FUT8: variants seen among roughly 807,000 people sequenced by gnomAD.
FUT8 encodes fucosyltransferase 8.
In FUT8, 29 loss-of-function variants were observed where a neutral mutation model predicts 71.3. The ratio of observed to expected loss-of-function variants is 0.41; its 90% confidence interval spans 0.30 to 0.55. The LOEUF (loss-of-function observed/expected upper bound fraction) is 0.55, where lower values mean the gene tolerates loss of function less well. FUT8 is among the 20% of genes least tolerant of loss of function. The pLI, the probability that FUT8 is intolerant of heterozygous loss-of-function variation, is 0.34. For missense variants in FUT8, 544 were observed against 702.1 expected (o/e 0.77, Z 2.55); for synonymous variants, 254 against 239.3 (o/e 1.06, Z -0.57).
chr14:65,459,584 C>T (rs994945554), intron 2 of FUT8, among the ~76,000 whole-genome samples: 1 of 151,816 alleles, frequency 6.6e-6, no homozygotes, highest in Non-Finnish European at 1.5e-5. Flanking sequence ...AGCAATGATC[C>T]CAGGATAAAG....
At chr14:65,457,316 A>G (rs1038342623) in intron 2 of FUT8, among the ~76,000 whole-genome samples, 5 of 152,198 alleles carry the variant, frequency 3.3e-5, no homozygotes, top group East Asian at 1.9e-4. Flanking sequence ...TGAGAACACA[A>G]TTTAACAGAC....
rs1888438276 is a variant in FUT8, at chr14:65,603,944, C to G, written c.204-12034C>G. On this transcript the variant is annotated intron_variant, in intron 3 of 10. Coordinates refer to ENST00000673929, the MANE Select transcript of FUT8 (RefSeq NM_001371533.1). This position sits in a 1 kb window ranked among gnomAD's most constrained non-coding sequence, Gnocchi z 4.5. Reference sequence around the variant, plus strand: ...CATGCAAATGGACACCCAAAGCGAGCAGGAGTAGCTATTCTTACATCAGAC... The same window carrying G: ...CATGCAAATGGACACCCAAAGCGAGGAGGAGTAGCTATTCTTACATCAGAC... 6.6e-6 allele frequency among the ~76,000 whole-genome samples: 1 copy of G among 151,646 alleles called. No homozygotes were observed. Among genetic ancestry groups the G allele is most frequent in the African/African-American group, 2.4e-5 (1 of 41,342 alleles).
intron 2 of FUT8, among the ~76,000 whole-genome samples, chr14:65,485,493 C>T (rs1269302624): frequency 6.6e-6 from 1 of 152,156 alleles, no homozygotes; most frequent in East Asian, 1.9e-4. Context: ...TTAAGCACTC[C>T]ACTCAATGTC....
intron 2 of FUT8, among the ~76,000 whole-genome samples, chr14:65,518,877 G>A (rs1882892977): frequency 6.6e-6 from 1 of 152,130 alleles, no homozygotes; most frequent in African/African-American, 2.4e-5. Flanking sequence ...ATAATAAAAT[G>A]TATCTTCTGA....
chr14:65,620,791 G>C (rs1477124473), intron 5 of FUT8, among the ~76,000 whole-genome samples: 4 of 152,162 alleles, frequency 2.6e-5, no homozygotes, highest in Non-Finnish European at 5.9e-5. Flanking sequence ...TTGAATTTCG[G>C]ATTTGTTTCA....
rs1228694215 is a variant in FUT8, at chr14:65,574,776, T to C, written c.203+13010T>C. ...AACATTTCAATCACAGTGAACTTCA[T>C]TGTTTGTGGCGCAATGTCTTGCTTC... On this transcript the variant is annotated intron_variant, in intron 3 of 10. Transcript: ENST00000673929. The surrounding 1 kb of genome is among the most constrained non-coding windows in gnomAD (Gnocchi z 5.2). Among the ~76,000 whole-genome samples, 4 of 152,156 alleles carry C rather than the reference T, an allele frequency of 2.6e-5. No homozygotes were observed. The highest frequency in any genetic ancestry group is 5.9e-5 in the Non-Finnish European group (4 of 68,024).
At chr14:65,611,482 T>G (rs1888995928) in intron 3 of FUT8, among the ~76,000 whole-genome samples, 1 of 152,088 alleles carries the variant, frequency 6.6e-6, no homozygotes. Context: ...TCTCTGATCT[T>G]TATTACTTCG....
chr14:65,724,341 G>A lies in FUT8; in HGVS notation c.1259+18G>A, dbSNP rs1895574046. ...AAAACAAAGTAAGTTAGACCAACTA[G>A]TGATTCTAGAGTGGGGTTGTCTCTT... On this transcript the variant is annotated intron_variant, in intron 9 of 10. Transcript: ENST00000673929. 3 of 1,537,310 alleles carry A rather than the reference G, an allele frequency of 2.0e-6. No individual in the cohort carries two copies. The highest frequency in any genetic ancestry group is 2.7e-6 in the Non-Finnish European group (3 of 1,125,322).
At chr14:65,664,853 G>A (rs755762497) in intron 6 of FUT8, among the ~76,000 whole-genome samples, 3 of 152,056 alleles carry the variant, frequency 2.0e-5, no homozygotes, top group Non-Finnish European at 4.4e-5. Flanking sequence ...CCTCTCTCTT[G>A]TAGACAAAAT....
intron 1 of FUT8, among the ~76,000 whole-genome samples, chr14:65,432,354 G>A (rs960393420): frequency 1.3e-5 from 2 of 149,410 alleles, no homozygotes; most frequent in African/African-American, 4.9e-5. Context: ...ACTCAAATTT[G>A]AATTTTCTTT....
At chr14:65,655,975 C>T (rs1891659345) in intron 6 of FUT8, among the ~76,000 whole-genome samples, 1 of 150,250 alleles carries the variant, frequency 6.7e-6, no homozygotes, top group African/African-American at 2.4e-5. Flanking sequence ...TAATAAAAGC[C>T]ATATACAACA....
At chr14:65,499,008 AT>A (rs1255501661) in intron 2 of FUT8, among the ~76,000 whole-genome samples, 1 of 152,226 alleles carries the variant, frequency 6.6e-6, no homozygotes, top group Non-Finnish European at 1.5e-5. Context: ...TTAAGGAGGC[AT>A]TGGGTAAGAA....
intron 3 of FUT8, among the ~76,000 whole-genome samples, chr14:65,610,388 C>T (rs1195932025): frequency 7.0e-6 from 1 of 143,792 alleles, no homozygotes; most frequent in Non-Finnish European, 1.5e-5. Flanking sequence ...TAGTTTCTGA[C>T]ACCTTTTTTT....
chr14:65,654,798 A>T (rs1891586129), intron 6 of FUT8, among the ~76,000 whole-genome samples: 3 of 152,160 alleles, frequency 2.0e-5, no homozygotes, highest in Admixed American at 6.5e-5. Context: ...AAATCCCAAC[A>T]TGTCAATAAT....
intron 2 of FUT8, chr14:65,516,488 A>C (rs1194806822): frequency 2.0e-5 from 3 of 152,194 alleles, no homozygotes; most frequent in African/African-American, 7.2e-5. Context: ...GTTAGAGTAA[A>C]TGGATTAAAG....
intron 6 of FUT8, among the ~76,000 whole-genome samples, chr14:65,647,707 G>A (rs969422645): frequency 9.9e-5 from 15 of 152,028 alleles, no homozygotes; most frequent in Admixed American, 5.2e-4. Context: ...GAGGTATCCT[G>A]GAAGATTCAA....
chr14:65,468,219 G>C (rs1594664491), intron 2 of FUT8: 1 of 626,816 alleles, frequency 1.6e-6, no homozygotes, highest in South Asian at 1.4e-5. Flanking sequence ...CCATTCCCTT[G>C]ATGTCTACAA....
intron 3 of FUT8, among the ~76,000 whole-genome samples, chr14:65,571,959 A>G (rs1226625650): frequency 6.6e-6 from 1 of 152,190 alleles, no homozygotes; most frequent in Non-Finnish European, 1.5e-5. Flanking sequence ...AATAGTCTTT[A>G]TAAAATAGCA....
intron 3 of FUT8, among the ~76,000 whole-genome samples, chr14:65,568,406 A>T (rs1012563195): frequency 6.7e-5 from 10 of 149,026 alleles, no homozygotes; most frequent in African/African-American, 2.5e-4. Flanking sequence ...ATTTTCTTTT[A>T]TGTCCTGGAA....
Sources: allele counts gnomAD v4.1 joint callset (sites outside exome capture counted in the v4.1 genomes callset), GRCh38; gene constraint gnomAD v4.1.1; non-coding constraint Gnocchi (gnomAD v3.1); transcripts MANE v1.5; gene names NCBI Gene and HGNC (gene_info 2026-07-23, HGNC 2026-07-21).